The following NLN variants were observed in gnomAD, a reference collection of about 807,000 sequenced individuals.
NLN encodes the protein neurolysin, mitochondrial.
In NLN, 64 loss-of-function variants were observed where a neutral mutation model predicts 79.9. That is an observed-to-expected ratio of 0.80 (90% confidence interval 0.65 to 0.99). The LOEUF (loss-of-function observed/expected upper bound fraction) is 0.99. Among genes scored for constraint, NLN ranks in the 50% least tolerant of loss-of-function variants. NLN has a pLI of 0.00. For missense variants in NLN, 835 were observed against 858.7 expected, an observed-to-expected ratio of 0.97 and a Z score of 0.34; for synonymous variants, 267 against 296.6, an observed-to-expected ratio of 0.90 and a Z score of 1.02.
rs1372216151 is a variant in NLN, at chr5:65,757,088, G to C, written c.42-1479G>C. On this transcript the variant is annotated intron_variant, in intron 1 of 12. Coordinates refer to ENST00000380985, the MANE Select transcript of NLN (RefSeq NM_020726.5). The stretch of plus-strand genomic sequence containing the variant: ...TATTTATCCATTTGTCCTTTCTACT[G>C]TATTAGAATGTCAGGGTCTAAGACA... Among the ~76,000 whole-genome samples, 2 of 152,104 alleles carry C rather than the reference G, an allele frequency of 1.3e-5. 1 individual carries two copies. Among genetic ancestry groups the C allele is most frequent in the African/African-American group, 4.8e-5 (2 of 41,410 alleles).
chr5:65,796,952 C>T (rs530751961), intron 9 of NLN, among the ~76,000 whole-genome samples: 3 of 152,294 alleles, frequency 2.0e-5, no homozygotes, highest in South Asian at 4.1e-4. Flanking sequence ...AGCTTGTCAT[C>T]GTAATATTTA....
chr5:65,804,153 T>C (rs1314596689), intron 9 of NLN, among the ~76,000 whole-genome samples: 1 of 152,354 alleles, frequency 6.6e-6, no homozygotes, highest in African/African-American at 2.4e-5. Flanking sequence ...ACCTTTTTTT[T>C]CCATTTTACT....
At chr5:65,722,589 G>A (rs1398986442) in intron 1 of NLN, among the ~76,000 whole-genome samples, 175 bp downstream of exon 1, 2 of 152,186 alleles carry the variant, frequency 1.3e-5, no homozygotes, top group Non-Finnish European at 2.9e-5. Context: ...CGGCCACCTG[G>A]GGCCACCTTT....
chr5:65,787,815 C>T (rs1178081084), intron 7 of NLN, among the ~76,000 whole-genome samples: 2 of 152,138 alleles, frequency 1.3e-5, no homozygotes, highest in African/African-American at 2.4e-5. Context: ...CTTCAGTCAG[C>T]GTTCTCTGAG....
chr5:65,749,481 T>C (rs1759057353), intron 1 of NLN, among the ~76,000 whole-genome samples: 1 of 152,174 alleles, frequency 6.6e-6, no homozygotes, highest in Admixed American at 6.5e-5. Context: ...GAATCCAGGT[T>C]ACAGTGAAGA....
intron 3 of NLN, among the ~76,000 whole-genome samples, chr5:65,764,989 C>T (rs1251216387): frequency 1.3e-5 from 2 of 152,096 alleles, no homozygotes; most frequent in African/African-American, 4.8e-5. Context: ...AAAACTTATC[C>T]CATTCGTACC....
At chr5:65,751,912 C>T (rs804493) in intron 1 of NLN, among the ~76,000 whole-genome samples, 66,480 of 151,798 alleles carry the variant, frequency 0.44, 15,617 homozygotes, top group Non-Finnish European at 0.53. Context: ...TGTCAATTCC[C>T]GTATGGTATT....
chr5:65,740,949 C>T, intron 1 of NLN: 1 of 156,956 alleles, frequency 6.4e-6, no homozygotes, highest in Middle Eastern at 1.6e-3. Context: ...TCTTGGCTCA[C>T]TGCAGCCTCT....
intron 3 of NLN, among the ~76,000 whole-genome samples, chr5:65,765,115 G>A (rs907375176): frequency 1.3e-4 from 20 of 152,336 alleles, no homozygotes; most frequent in Admixed American, 1.2e-3. Flanking sequence ...GGGCATGGTG[G>A]CTCACGCCTG....
intron 1 of NLN, among the ~76,000 whole-genome samples, chr5:65,757,816 T>TA (rs527499308): frequency 4.4e-4 from 67 of 152,146 alleles, no homozygotes; most frequent in African/African-American, 1.4e-3. Context: ...AAATTTTGGT[T>TA]AAAAAAAATT....
chr5:65,741,703 G>C (rs1758872628), intron 1 of NLN, among the ~76,000 whole-genome samples: 1 of 152,140 alleles, frequency 6.6e-6, no homozygotes, highest in South Asian at 2.1e-4. Flanking sequence ...TCTGAGTTGT[G>C]GTTTTCCATG....
chr5:65,803,221 C>T (rs1185657477), intron 9 of NLN, among the ~76,000 whole-genome samples: 1 of 152,184 alleles, frequency 6.6e-6, no homozygotes, highest in South Asian at 2.1e-4. Context: ...TGGGGCTTCA[C>T]CAGGGACCCA....
intron 2 of NLN, among the ~76,000 whole-genome samples, chr5:65,759,300 T>G (rs1579928661): frequency 6.6e-6 from 1 of 152,044 alleles, no homozygotes; most frequent in Non-Finnish European, 1.5e-5. Flanking sequence ...TTTAATGACA[T>G]GGGGAAAAGG....
intron 12 of NLN, among the ~76,000 whole-genome samples, chr5:65,815,840 C>A (rs1308018458): frequency 1.3e-5 from 2 of 151,850 alleles, no homozygotes; most frequent in Non-Finnish European, 2.9e-5. Context: ...AATACAGGTA[C>A]CCAGTTATTA....
chr5:65,778,419 C>T (rs1759726161), intron 4 of NLN, among the ~76,000 whole-genome samples: 1 of 152,178 alleles, frequency 6.6e-6, no homozygotes, highest in African/African-American at 2.4e-5. Context: ...ACCACAGGCA[C>T]CACTGAGATA....
At chr5:65,811,824 A>G (rs1343922173) in intron 11 of NLN, among the ~76,000 whole-genome samples, 1 of 152,236 alleles carries the variant, frequency 6.6e-6, no homozygotes, top group Non-Finnish European at 1.5e-5. Context: ...TCTGTCTCAA[A>G]AAAAAGTTCT....
rs1323850820 is a variant in NLN, at chr5:65,809,612, T to C, written c.1625T>C (p.Leu542Pro). 1.9e-6 allele frequency: 3 copies of C among 1,613,890 alleles called. No homozygotes were observed. The South Asian group carries it at 3.3e-5, about 18-fold the overall frequency. Residue 542 changes from leucine (L) to proline (P), a missense_variant, in exon 10 of 13, where the codon CTC (leucine) becomes CCC (proline). Coordinates refer to ENST00000380985, the MANE Select transcript of NLN (RefSeq NM_020726.5). Reference sequence around the variant, plus strand: ...AATTGGGTGTGGGACGTCGATTCCCTCCGAAGATTGTCAAAACATTATAAA... The same window carrying C: ...AATTGGGTGTGGGACGTCGATTCCCCCCGAAGATTGTCAAAACATTATAAA... Reference protein sequence around the residue: ...LENWVWDVDSLRRLSKHYKDG... With the variant: ...LENWVWDVDSPRRLSKHYKDG...
chr5:65,809,306 A>G (rs1335082013), intron 9 of NLN: 3 of 425,646 alleles, frequency 7.0e-6, no homozygotes, highest in Non-Finnish European at 1.2e-5. Context: ...TGAAATTACT[A>G]CTGTAATATA....
At chr5:65,814,812 C>T (rs749268071) in intron 12 of NLN, among the ~76,000 whole-genome samples, 2 of 152,044 alleles carry the variant, frequency 1.3e-5, no homozygotes, top group African/African-American at 4.8e-5. Flanking sequence ...CTTCAATAAG[C>T]TTTTACTATG....
Sources: allele counts gnomAD v4.1 joint callset (sites outside exome capture counted in the v4.1 genomes callset), GRCh38; gene constraint gnomAD v4.1.1; transcripts MANE v1.5; gene names NCBI Gene and HGNC (gene_info 2026-07-23, HGNC 2026-07-21).